Variants in CNTN4 observed in about 807,000 individuals in gnomAD.
The protein encoded by CNTN4 is contactin 4.
Under a neutral mutation model 122.5 loss-of-function variants are expected in CNTN4, and 77 were observed. That is an observed-to-expected ratio of 0.63 (90% CI 0.52 to 0.76). CNTN4 has a LOEUF of 0.76. Among genes scored for constraint, CNTN4 ranks in the 30% least tolerant of loss-of-function variants. The pLI, the probability that CNTN4 is intolerant of heterozygous loss-of-function variation, is 0.00. For synonymous variants in CNTN4, 512 were observed against 447.0 expected (o/e 1.15, Z -1.83); for missense variants, 1,256 against 1,259.1 (o/e 1.00, Z 0.04).
intron 2 of CNTN4, among the ~76,000 whole-genome samples, chr3:2,133,780 C>T (rs1162841844): frequency 1.3e-5 from 2 of 152,108 alleles, no homozygotes; most frequent in Admixed American, 6.6e-5. Flanking sequence ...TGCCTGAGTT[C>T]ATGAATTATT....
chr3:2,367,878 C>T, intron 3 of CNTN4, among the ~76,000 whole-genome samples: 1 of 152,062 alleles, frequency 6.6e-6, no homozygotes, highest in East Asian at 1.9e-4. Flanking sequence ...CCATTTGGCC[C>T]TACTGAGTGT....
At chr3:2,459,066 TA>T (rs1292637063) in intron 3 of CNTN4, among the ~76,000 whole-genome samples, 1 of 152,182 alleles carries the variant, frequency 6.6e-6, no homozygotes, top group Non-Finnish European at 1.5e-5. Context: ...CCAAATCTGA[TA>T]AAAGGATACC....
intron 3 of CNTN4, among the ~76,000 whole-genome samples, chr3:2,416,845 G>A (rs975461750): frequency 2.0e-5 from 3 of 151,976 alleles, no homozygotes; most frequent in African/African-American, 7.3e-5. Context: ...TAGTAGAGAC[G>A]GGGTTTCACC....
intron 4 of CNTN4, among the ~76,000 whole-genome samples, chr3:2,677,580 G>A (rs1041802342): frequency 6.6e-6 from 1 of 151,988 alleles, no homozygotes; most frequent in African/African-American, 2.4e-5. Flanking sequence ...GCTTTAGGAT[G>A]TCTGGAAAGT....
chr3:2,897,403 T>G (rs1484255269), intron 10 of CNTN4, among the ~76,000 whole-genome samples: 2 of 151,498 alleles, frequency 1.3e-5, no homozygotes, highest in Non-Finnish European at 2.9e-5. Context: ...GTGAATGTGT[T>G]TAATTCTGCT....
At chr3:3,044,470 C>T (rs1165946104) in intron 23 of CNTN4, among the ~76,000 whole-genome samples, 1 of 152,182 alleles carries the variant, frequency 6.6e-6, no homozygotes, top group Non-Finnish European at 1.5e-5. Context: ...TGAGGCTGGC[C>T]AGTGATCATG....
intron 2 of CNTN4, among the ~76,000 whole-genome samples, chr3:2,124,907 A>G (rs573215319): frequency 1.1e-4 from 16 of 152,314 alleles, no homozygotes; most frequent in South Asian, 2.1e-4. Context: ...GGTAATAAAT[A>G]TATCTATTAT....
intron 2 of CNTN4, among the ~76,000 whole-genome samples, chr3:2,207,849 A>G (rs1457725413): frequency 1.3e-5 from 2 of 152,092 alleles, no homozygotes; most frequent in African/African-American, 4.8e-5. Flanking sequence ...TCAGAGCCTC[A>G]AAGGACAGGC....
At chr3:2,209,864 C>T (rs944846205) in intron 2 of CNTN4, among the ~76,000 whole-genome samples, 2 of 151,672 alleles carry the variant, frequency 1.3e-5, no homozygotes, top group African/African-American at 2.4e-5. Flanking sequence ...AAACTGGGTC[C>T]GTATTGACTT....
chr3:2,547,451 A>G (rs1042655588), intron 3 of CNTN4, among the ~76,000 whole-genome samples: 1 of 152,008 alleles, frequency 6.6e-6, no homozygotes, highest in African/African-American at 2.4e-5. Context: ...TTTTTAGTAA[A>G]GATGGGGTTT....
intron 4 of CNTN4, among the ~76,000 whole-genome samples, chr3:2,730,194 A>C (rs971036941): frequency 2.0e-5 from 3 of 152,228 alleles, no homozygotes; most frequent in African/African-American, 7.2e-5. Flanking sequence ...GATGACACCC[A>C]AGTCTAAACA....
intron 6 of CNTN4, among the ~76,000 whole-genome samples, chr3:2,801,137 G>A (rs1370274821): frequency 6.6e-6 from 1 of 150,464 alleles, no homozygotes; most frequent in African/African-American, 2.4e-5. Context: ...TGTCTGCTTT[G>A]TTCATTGTTG....
chr3:2,165,409 G>T (rs1048626881), intron 2 of CNTN4, among the ~76,000 whole-genome samples: 1 of 151,692 alleles, frequency 6.6e-6, no homozygotes, highest in African/African-American at 2.4e-5. Flanking sequence ...AATAAAAATT[G>T]TTTACATTCA....
At chr3:2,394,392 A>G (rs923095743) in intron 3 of CNTN4, among the ~76,000 whole-genome samples, 1 of 152,188 alleles carries the variant, frequency 6.6e-6, no homozygotes, top group African/African-American at 2.4e-5. Flanking sequence ...CTTTTGATCT[A>G]CTGCTAACCC....
chr3:2,335,868 G>C (rs983500990), intron 2 of CNTN4, among the ~76,000 whole-genome samples: 2 of 152,050 alleles, frequency 1.3e-5, no homozygotes, highest in African/African-American at 4.8e-5. Context: ...TTATTTTGGC[G>C]TAACCCTTAG....
intron 3 of CNTN4, among the ~76,000 whole-genome samples, chr3:2,442,766 G>C (rs1030830276): frequency 1.3e-5 from 2 of 152,106 alleles, no homozygotes; most frequent in Non-Finnish European, 2.9e-5. Flanking sequence ...TGACAGATAA[G>C]ATCCAGAGGC....
rs936816496 is a variant in CNTN4, at chr3:2,610,630, C to T, written c.55+39072C>T. 2.0e-5 allele frequency among the ~76,000 whole-genome samples: 3 copies of T among 152,256 alleles called. No homozygotes were observed. In the East Asian group the frequency reaches 5.8e-4, roughly 29 times the overall value. On this transcript the variant is annotated intron_variant, in intron 4 of 24. Transcript: ENST00000418658. The stretch of plus-strand genomic sequence containing the variant: ...TTAATGTGTTATAAATGTACAAATG[C>T]TTGTTATCACAGTAAATTCTAGGTA...
chr3:2,716,579 C>T (rs909717399), intron 4 of CNTN4, among the ~76,000 whole-genome samples: 3 of 152,000 alleles, frequency 2.0e-5, no homozygotes, highest in Non-Finnish European at 4.4e-5. Flanking sequence ...TAAAAATTGG[C>T]TATAATTATT....
intron 6 of CNTN4, among the ~76,000 whole-genome samples, chr3:2,799,468 C>A (rs1172785875): frequency 2.0e-5 from 3 of 151,756 alleles, no homozygotes; most frequent in Admixed American, 1.3e-4. Context: ...AGTTTCAGGT[C>A]TTTTTTTTCT....
Sources: gnomAD v4.1 joint callset for allele counts (sites outside exome capture counted in the v4.1 genomes callset) on GRCh38, gnomAD v4.1.1 for gene constraint, MANE v1.5 for transcripts, NCBI Gene and HGNC (gene_info 2026-07-23, HGNC 2026-07-21) for gene names.